NUP42: variants seen among roughly 807,000 people sequenced by gnomAD.
The protein encoded by NUP42 is nucleoporin NUP42.
NUP42 carries 47 observed loss-of-function variants against 35.9 expected under a neutral mutation model. The ratio of observed to expected loss-of-function variants is 1.31; its 90% confidence interval spans 1.04 to 1.67. The LOEUF (loss-of-function observed/expected upper bound fraction) is 1.67. NUP42 is among the 40% of genes most tolerant of loss of function. The probability of loss-of-function intolerance (pLI) is 0.00; values close to 1 mark genes in which losing one functional copy is unlikely to be tolerated. For missense variants in NUP42, 514 were observed against 492.2 expected (o/e 1.04, Z -0.42); for synonymous variants, 173 against 173.3 (o/e 1.00, Z 0.01).
chr7:23,188,216 G>A, intron 3 of NUP42: 2 of 1,256,088 alleles, frequency 1.6e-6, no homozygotes, highest in Non-Finnish European at 2.0e-6. Flanking sequence ...CATTTTCTGT[G>A]AGCATTTGCA....
At chr7:23,197,152 T>C (rs1193109655) in intron 5 of NUP42, 1 of 1,217,226 alleles carries the variant, frequency 8.2e-7, no homozygotes, top group Admixed American at 2.3e-5. Context: ...AAGAACACAG[T>C]ATGTTCCTTG....
Position 23,182,470 on chromosome 7 carries a change from C to T in NUP42, c.121+264C>T. On this transcript the variant is annotated intron_variant, in intron 1 of 6. Coordinates refer to ENST00000258742, the MANE Select transcript of NUP42 (RefSeq NM_007342.3). ...AACTGAGTTTTTAAATCGGAAGTAC[C>T]TATCGAAACTACCTTGTAGGTAAAT... 4 of 1,281,776 alleles carry T rather than the reference C, an allele frequency of 3.1e-6. No homozygotes were observed. The South Asian group carries it at 8.7e-5, about 28-fold the overall frequency. 79.4% of individuals were successfully genotyped at this position (1,281,776 alleles called of 1,614,324 possible).
intron 3 of NUP42, among the ~76,000 whole-genome samples, chr7:23,192,662 T>A (rs953312645): frequency 6.6e-6 from 1 of 152,030 alleles, no homozygotes; most frequent in Non-Finnish European, 1.5e-5. Context: ...TTATGTTGAG[T>A]AGCAGAGGGA....
In NUP42 at chr7:23,187,366, T is replaced by A. The variant is rs575490041; in HGVS notation, c.445+220T>A. ...ACATATAGTTCTTGGGAGAAAACAT[T>A]TAAATAAAGCCCAGGAAGAGACTCT... On this transcript the variant is annotated intron_variant, in intron 3 of 6. Transcript: ENST00000258742. 1.7e-5 allele frequency: 6 copies of A among 362,508 alleles called. No homozygotes were observed. In the East Asian group the frequency reaches 2.9e-4, roughly 17 times the overall value. 22.5% of individuals were successfully genotyped at this position (362,508 alleles called of 1,614,324 possible).
At chr7:23,192,475 A>C (rs1225338293) in intron 3 of NUP42, among the ~76,000 whole-genome samples, 1 of 149,314 alleles carries the variant, frequency 6.7e-6, no homozygotes, top group Non-Finnish European at 1.5e-5. Flanking sequence ...TGAACCCAGG[A>C]GGCCGAGGTT....
At chr7:23,192,799 G>A (rs1351714391) in intron 3 of NUP42, among the ~76,000 whole-genome samples, 1 of 151,944 alleles carries the variant, frequency 6.6e-6, no homozygotes, top group African/African-American at 2.4e-5. Context: ...GAACTGCAAG[G>A]GTCCACTTGT....
rs1202364819 is a variant in NUP42, at chr7:23,188,146, G to A, written c.445+1000G>A. The A allele has an allele frequency of 3.8e-6, 5 of 1,315,282 alleles. No homozygotes were observed. The South Asian group carries it at 9.5e-5, about 25-fold the overall frequency. 81.5% of individuals were successfully genotyped at this position (1,315,282 alleles called of 1,614,324 possible). The stretch of plus-strand genomic sequence containing the variant: ...AACAGTGGGTACCTTGCAAATGGGA[G>A]CTCTTGCAATCAATATCGCAGAACC... On this transcript the variant is annotated intron_variant, in intron 3 of 6. Transcript: ENST00000258742.
intron 3 of NUP42, among the ~76,000 whole-genome samples, chr7:23,191,680 C>T (rs1225956357): frequency 1.3e-5 from 2 of 152,102 alleles, no homozygotes; most frequent in African/African-American, 2.4e-5. Context: ...TAAGTTTGCC[C>T]AATTATAAAA....
chr7:23,188,042 C>A, intron 3 of NUP42: 1 of 1,423,792 alleles, frequency 7.0e-7, no homozygotes, highest in Non-Finnish European at 9.3e-7. Context: ...GTCCCTAAGC[C>A]CTTTCTGGGC....
chr7:23,200,164 G>T lies in NUP42; in HGVS notation c.695-4G>T. ...GTTTTTTTTGTTGTTGTTGTTGTTT[G>T]TAGGCTTTCCAGTCAATAACAGCAG... On this transcript the variant is annotated splice_region_variant and splice_polypyrimidine_tract_variant and intron_variant, in intron 6 of 6. Coordinates refer to ENST00000258742, the MANE Select transcript of NUP42 (RefSeq NM_007342.3). 1 of 1,534,370 alleles carries T rather than the reference G, an allele frequency of 6.5e-7. No homozygotes were observed. Among genetic ancestry groups the T allele is most frequent in the Admixed American group, 2.1e-5 (1 of 47,784 alleles).
chr7:23,198,973 A>G (rs1354884701), intron 5 of NUP42, among the ~76,000 whole-genome samples: 1 of 152,238 alleles, frequency 6.6e-6, no homozygotes, highest in Non-Finnish European at 1.5e-5. Context: ...CTGTTAACTT[A>G]CTAATGTACA....
chr7:23,187,088 A>G lies in NUP42; in HGVS notation c.387A>G (p.Ser129=). ...TAAAAGATATGGAGGTTTGGGAATCATCAGGGCAGTGGATGTTTTCTGTTT... is the reference window on the plus strand; with the variant it reads ...TAAAAGATATGGAGGTTTGGGAATCGTCAGGGCAGTGGATGTTTTCTGTTT... The part of the protein sequence containing the change: ...GIVKDMEVWE[S]SGQWMFSVYS... Residue 129 remains serine, a synonymous_variant, in exon 3 of 7, where the codon TCA becomes TCG. Coordinates refer to ENST00000258742, the MANE Select transcript of NUP42 (RefSeq NM_007342.3). The G allele has an allele frequency of 6.2e-7, 1 of 1,608,626 alleles. No individual in the cohort carries two copies. The highest frequency in any genetic ancestry group is 8.5e-7 in the Non-Finnish European group (1 of 1,177,814).
intron 1 of NUP42, among the ~76,000 whole-genome samples, chr7:23,184,398 G>A (rs1785521014): frequency 6.6e-6 from 1 of 152,118 alleles, no homozygotes; most frequent in Non-Finnish European, 1.5e-5. Context: ...AAAAACCCAA[G>A]TTTTTATCCT....
intron 3 of NUP42, 135 bp from the exon 4 acceptor site, chr7:23,195,704 A>C (rs943564230): frequency 8.2e-6 from 5 of 608,372 alleles, no homozygotes; most frequent in Non-Finnish European, 1.4e-5. Context: ...AGTAGAGTGT[A>C]GGCTTTAAGT....
intron 3 of NUP42, among the ~76,000 whole-genome samples, chr7:23,189,560 A>C (rs1168587627): frequency 2.0e-5 from 3 of 152,136 alleles, no homozygotes; most frequent in Non-Finnish European, 4.4e-5. Context: ...AGTTATGGTG[A>C]GCTCTGATGG....
intron 1 of NUP42, 59 bp from the exon 2 acceptor site, chr7:23,185,011 A>G: frequency 1.4e-6 from 2 of 1,426,242 alleles, no homozygotes; most frequent in Non-Finnish European, 1.9e-6. Flanking sequence ...ATCTCAATTA[A>G]AAAGAAAATA....
At chr7:23,190,899 A>T (rs1344615784) in intron 3 of NUP42, among the ~76,000 whole-genome samples, 1 of 152,226 alleles carries the variant, frequency 6.6e-6, no homozygotes, top group African/African-American at 2.4e-5. Context: ...GGTTTGGATG[A>T]GGAATTCTGG....
chr7:23,185,995 C>T (rs1348369077), intron 2 of NUP42, among the ~76,000 whole-genome samples: 1 of 152,218 alleles, frequency 6.6e-6, no homozygotes, highest in Admixed American at 6.5e-5. Context: ...CTGCCTCAGC[C>T]TCCCAAAGTG....
Position 23,185,156 on chromosome 7 carries a change from G to T in NUP42, c.208G>T (p.Gly70Trp), listed in dbSNP as rs144959659. The stretch of plus-strand genomic sequence containing the variant: ...CAGTTTCTCCAAATCCACACCATGG[G>T]GGGGCAGCAGAGATCAAGAAAAGCC... ...PSSFSKSTPW[G>W]GSRDQEKPYF... Residue 70 changes from glycine (G) to tryptophan (W), a missense_variant, in exon 2 of 7, where the codon GGG (glycine) becomes TGG (tryptophan). Physicochemically the swap from Gly to Trp is radical, Grantham distance 184. Transcript: ENST00000258742. 5.6e-6 allele frequency: 9 copies of T among 1,614,064 alleles called. No homozygotes were observed. Among genetic ancestry groups the T allele is most frequent in the Middle Eastern group, 1.6e-4 (1 of 6,084 alleles).
Sources: gnomAD v4.1 joint callset for allele counts (sites outside exome capture counted in the v4.1 genomes callset) on GRCh38, gnomAD v4.1.1 for gene constraint, MANE v1.5 for transcripts, NCBI Gene and HGNC (gene_info 2026-07-23, HGNC 2026-07-21) for gene names.